The following SHOC1 variants were observed in gnomAD, a reference collection of about 807,000 sequenced individuals.
The protein encoded by SHOC1 is shortage in chiasmata 1, also known as protein shortage in chiasmata 1 ortholog.
A neutral mutation model predicts 179.2 loss-of-function variants in SHOC1; 136 were observed. The ratio of observed to expected loss-of-function variants is 0.76; its 90% CI spans 0.66 to 0.87. The LOEUF is 0.87. SHOC1 is among the 40% of genes least tolerant of loss of function. SHOC1 has a pLI of 0.00. For synonymous variants in SHOC1, 489 were observed against 586.6 expected (o/e 0.83, Z 2.41); for missense variants, 1,538 against 1,700.8 (o/e 0.90, Z 1.68).
intron 16 of SHOC1, among the ~76,000 whole-genome samples, chr9:111,717,464 G>C (rs1472079679): frequency 1.3e-5 from 2 of 151,956 alleles, no homozygotes; most frequent in East Asian, 3.9e-4. Flanking sequence ...ATGGTGGCGG[G>C]CGCCTGTAAT....
intron 10 of SHOC1, among the ~76,000 whole-genome samples, chr9:111,745,215 C>T (rs1834221345): frequency 6.6e-6 from 1 of 152,222 alleles, no homozygotes; most frequent in South Asian, 2.1e-4. Context: ...CCACACTGCT[C>T]TGTGATCTTT....
At chr9:111,736,088 A>G (rs1024638927) in intron 12 of SHOC1, among the ~76,000 whole-genome samples, 3 of 152,222 alleles carry the variant, frequency 2.0e-5, no homozygotes, top group Non-Finnish European at 4.4e-5. Context: ...AAGGAAAAAC[A>G]TTACATCCTC....
intron 8 of SHOC1, among the ~76,000 whole-genome samples, chr9:111,753,205 G>C (rs1025516490): frequency 3.3e-5 from 5 of 152,124 alleles, no homozygotes; most frequent in African/African-American, 1.2e-4. Context: ...CGCTTGCTCA[G>C]TTGCCTTCAA....
At chr9:111,698,659 C>T (rs550596844) in intron 24 of SHOC1, among the ~76,000 whole-genome samples, 2 of 151,208 alleles carry the variant, frequency 1.3e-5, no homozygotes, top group South Asian at 2.1e-4. Flanking sequence ...GGAGGTAGCG[C>T]GTTTGAACTG....
rs1832923373 is a variant in SHOC1, at chr9:111,719,061, G to A, written c.2132-773C>T. Among the ~76,000 whole-genome samples, 3 of 152,126 alleles carry A rather than the reference G, an allele frequency of 2.0e-5. No homozygotes were observed. The South Asian group carries it at 6.2e-4, about 32-fold the overall frequency. On this transcript the variant is annotated intron_variant, in intron 15 of 27. Coordinates refer to ENST00000682961, the MANE Select transcript of SHOC1 (RefSeq NM_001378211.1). The stretch of plus-strand genomic sequence containing the variant: ...GAAGATCAAGGCAAATATGTAGTAG[G>A]GAATTAAGAGGGAAAGCCAATTATG...
chr9:111,762,773 A>G (rs911735810), intron 5 of SHOC1, among the ~76,000 whole-genome samples: 1 of 152,212 alleles, frequency 6.6e-6, no homozygotes, highest in Non-Finnish European at 1.5e-5. Flanking sequence ...TACACATGAA[A>G]TGTTAGAAGC....
chr9:111,739,769 G>A (rs967237583), intron 11 of SHOC1, among the ~76,000 whole-genome samples: 5 of 151,994 alleles, frequency 3.3e-5, no homozygotes, highest in Admixed American at 2.0e-4. Context: ...TATATGATCT[G>A]ATTTTGATGT....
chr9:111,708,593 G>A (rs777488020), intron 18 of SHOC1, among the ~76,000 whole-genome samples: 2 of 152,086 alleles, frequency 1.3e-5, no homozygotes, highest in Non-Finnish European at 2.9e-5. Context: ...TTTTATCTTT[G>A]TTCTCTAGCC....
At chr9:111,721,717 C>T (rs556404023) in intron 15 of SHOC1, among the ~76,000 whole-genome samples, 5 of 152,292 alleles carry the variant, frequency 3.3e-5, no homozygotes, top group Admixed American at 6.5e-5. Context: ...ACTCTCTGTG[C>T]GAAGCTCTCT....
Position 111,718,187 on chromosome 9 carries a change from A to G in SHOC1, c.2233T>C (p.Leu745=). The change falls in exon 16 of 28, where the codon TTG becomes CTG. Residue 745 remains leucine, a synonymous_variant. Transcript: ENST00000682961. The part of the protein sequence containing the change: ...VLLTCSLDTA[L]GYLSKAKDIY... Reference sequence around the variant, plus strand: ...AAATAAAATATTCCCCACCAACCCAATGCTGTGTCCAAGCTGCATGTTAAA... The same window carrying G: ...AAATAAAATATTCCCCACCAACCCAGTGCTGTGTCCAAGCTGCATGTTAAA... The G allele has an allele frequency of 1.3e-6, 2 of 1,580,852 alleles. No homozygotes were observed. The highest frequency in any genetic ancestry group is 2.3e-5 in the East Asian group (1 of 43,770).
chr9:111,725,038 A>G (rs911148959), intron 13 of SHOC1, among the ~76,000 whole-genome samples: 1 of 152,224 alleles, frequency 6.6e-6, no homozygotes, highest in African/African-American at 2.4e-5. Flanking sequence ...AGTTATTTTA[A>G]CCATATAGTA....
intron 3 of SHOC1, chr9:111,783,503 T>C (rs1836153574): frequency 6.6e-6 from 1 of 152,242 alleles, no homozygotes; most frequent in Admixed American, 6.5e-5. Flanking sequence ...TAGAATTCTA[T>C]GCCAGAATCA....
chr9:111,716,049 T>C (rs1832771394), intron 16 of SHOC1, among the ~76,000 whole-genome samples: 1 of 152,082 alleles, frequency 6.6e-6, no homozygotes, highest in Admixed American at 6.6e-5. Flanking sequence ...ACAACCTAAC[T>C]TGATCTTGGC....
chr9:111,712,032 T>G lies in SHOC1; in HGVS notation c.2488+1068A>C, dbSNP rs532815252. Among the ~76,000 whole-genome samples, 4 of 152,314 alleles carry G rather than the reference T, an allele frequency of 2.6e-5. No individual in the cohort carries two copies. In the East Asian group the frequency reaches 7.7e-4, roughly 29 times the overall value. ...AAAAGTAGCTAGTGGATTATAGATC[T>G]CTAAGATGTTGAAGATCATGAAAGA... On this transcript the variant is annotated intron_variant, in intron 18 of 27. Coordinates refer to ENST00000682961, the MANE Select transcript of SHOC1 (RefSeq NM_001378211.1).
chr9:111,731,403 T>C (rs1833561914), intron 12 of SHOC1, among the ~76,000 whole-genome samples: 1 of 152,186 alleles, frequency 6.6e-6, no homozygotes, highest in African/African-American at 2.4e-5. Context: ...CTCCTTTCAC[T>C]TGAAGACTTA....
intron 1 of SHOC1, 77 bp from the exon 2 acceptor site, chr9:111,791,531 G>A: frequency 3.7e-6 from 2 of 539,552 alleles, no homozygotes; most frequent in Non-Finnish European, 6.0e-6. Flanking sequence ...ACAAAACTTT[G>A]GTTTACTCAT....
In SHOC1 at chr9:111,693,779, A is replaced by T; in HGVS notation, c.3465+20T>A. On this transcript the variant is annotated intron_variant, in intron 26 of 27. Coordinates refer to ENST00000682961, the MANE Select transcript of SHOC1 (RefSeq NM_001378211.1). ...AAAGGAAATAAATTCATATCATAGT[A>T]CAGATCTCAAATAACTAACCTTTAA... 6.4e-7 allele frequency: 1 copy of T among 1,557,662 alleles called. No individual in the cohort carries two copies. Among genetic ancestry groups the T allele is most frequent in the Non-Finnish European group, 8.8e-7 (1 of 1,138,088 alleles).
intron 5 of SHOC1, among the ~76,000 whole-genome samples, chr9:111,770,976 T>TA (rs1312467180): frequency 6.6e-6 from 1 of 152,142 alleles, no homozygotes; most frequent in Non-Finnish European, 1.5e-5. Flanking sequence ...TCAGCCATTC[T>TA]AAGCTTTTTA....
intron 4 of SHOC1, among the ~76,000 whole-genome samples, chr9:111,779,098 C>CAAAAAAAAAA: frequency 9.1e-6 from 1 of 109,492 alleles, no homozygotes; most frequent in Non-Finnish European, 1.9e-5. Context: ...GACTCTGTGT[C>CAAAAAAAAAA]AAAAAAAAAA....
Sources: gnomAD v4.1 joint callset for allele counts (sites outside exome capture counted in the v4.1 genomes callset) on GRCh38, gnomAD v4.1.1 for gene constraint, MANE v1.5 for transcripts, NCBI Gene and HGNC (gene_info 2026-07-23, HGNC 2026-07-21) for gene names.